The following SPTAN1 variants were observed in gnomAD, a reference collection of about 807,000 sequenced individuals.
SPTAN1 encodes spectrin alpha chain, non-erythrocytic 1.
In SPTAN1, 61 loss-of-function variants were observed where a neutral mutation model predicts 331.3. That is an observed-to-expected ratio of 0.18 (90% CI 0.15 to 0.23). The LOEUF (loss-of-function observed/expected upper bound fraction) is 0.23. Ranked by LOEUF, SPTAN1 falls within the 10% of genes least tolerant of loss-of-function variation. The pLI is 1.00. For synonymous variants in SPTAN1, 1,153 were observed against 1,173.9 expected, an observed-to-expected ratio of 0.98 and a Z score of 0.36; for missense variants, 2,043 against 3,147.9, an observed-to-expected ratio of 0.65 and a Z score of 8.40.
At chr9:128,598,845 C>T in intron 25 of SPTAN1, 118 bp from the exon 26 acceptor site, 1 of 922,238 alleles carries the variant, frequency 1.1e-6, no homozygotes, top group Non-Finnish European at 1.8e-6. Context: ...TTTGGACTGG[C>T]ATTTCCATTT....
intron 21 of SPTAN1, among the ~76,000 whole-genome samples, chr9:128,589,340 G>A (rs1169858923): frequency 1.4e-5 from 2 of 145,640 alleles, no homozygotes; most frequent in African/African-American, 2.5e-5. Flanking sequence ...CCAGGCTAGA[G>A]TGCAGTGGCA....
At chr9:128,575,784 G>A (rs1851234745) in intron 5 of SPTAN1, among the ~76,000 whole-genome samples, 1 of 152,096 alleles carries the variant, frequency 6.6e-6, no homozygotes, top group Non-Finnish European at 1.5e-5. Context: ...TCGTGAATAG[G>A]CTCTCCACTC....
rs1753573717 is a variant in SPTAN1, at chr9:128,594,006, T to C, written c.3216-169T>C. 3 of 703,284 alleles carry C rather than the reference T, an allele frequency of 4.3e-6. No individual in the cohort carries two copies. The African/African-American group carries it at 5.3e-5, about 12-fold the overall frequency. The allele number at this position is 703,284 out of a possible 1,614,324, so 43.6% of individuals were successfully genotyped here. On this transcript the variant is annotated intron_variant, in intron 23 of 56. Coordinates refer to ENST00000372739, the MANE Select transcript of SPTAN1 (RefSeq NM_001130438.3). Reference sequence around the variant, plus strand: ...CATATCTCTCAGGCTGTGGCGTGGGTACTTGGGATCCTCGTCTTCATCTGA... The same window carrying C: ...CATATCTCTCAGGCTGTGGCGTGGGCACTTGGGATCCTCGTCTTCATCTGA...
At chr9:128,555,506 A>C (rs1848534661) in intron 1 of SPTAN1, 1 of 869,588 alleles carries the variant, frequency 1.1e-6, no homozygotes, top group Non-Finnish European at 1.6e-6. Context: ...AAAGGGGGAA[A>C]AAAACCCTGC....
intron 29 of SPTAN1, among the ~76,000 whole-genome samples, chr9:128,604,812 T>TC (rs1276183948): frequency 6.6e-6 from 1 of 151,986 alleles, no homozygotes; most frequent in Admixed American, 6.6e-5. Flanking sequence ...GCGCCTGTAA[T>TC]CCTAGCTACT....
At chr9:128,624,623 C>G in intron 46 of SPTAN1, 136 bp downstream of exon 46, 1 of 1,104,454 alleles carries the variant, frequency 9.1e-7, no homozygotes. Flanking sequence ...CAGGGCAGAC[C>G]ACTGACTGCC....
At chr9:128,574,873 C>G in intron 4 of SPTAN1, 58 bp downstream of exon 4, 1 of 1,610,944 alleles carries the variant, frequency 6.2e-7, no homozygotes, top group Non-Finnish European at 8.5e-7. Context: ...GAAGAGACTC[C>G]TCTGTGATCT....
intron 37 of SPTAN1, among the ~76,000 whole-genome samples, chr9:128,610,867 A>G (rs1388007139): frequency 6.6e-6 from 1 of 152,222 alleles, no homozygotes; most frequent in African/African-American, 2.4e-5. Flanking sequence ...AACAAAGCCA[A>G]TGTCTGTAGT....
At position 128,621,408 on chromosome 9, in the gene SPTAN1, C is replaced by G; in HGVS notation, c.5832+152C>G. Reference sequence around the variant, plus strand: ...GCAATTCCATTCCTGTGTTTCGTGACAAGTTGGATATTTCCCCCTTTTTGA... The same window carrying G: ...GCAATTCCATTCCTGTGTTTCGTGAGAAGTTGGATATTTCCCCCTTTTTGA... On this transcript the variant is annotated intron_variant, in intron 45 of 56. Coordinates refer to ENST00000372739, the MANE Select transcript of SPTAN1 (RefSeq NM_001130438.3). 4 of 717,558 alleles carry G rather than the reference C, an allele frequency of 5.6e-6. No homozygotes were observed. The Admixed American group carries it at 8.1e-5, about 15-fold the overall frequency. 44.4% of individuals were successfully genotyped at this position (717,558 alleles called of 1,614,324 possible).
intron 1 of SPTAN1, among the ~76,000 whole-genome samples, chr9:128,560,382 C>CTTT (rs1366002329): frequency 1.3e-4 from 17 of 128,468 alleles, no homozygotes; most frequent in African/African-American, 4.6e-4. Flanking sequence ...CCGTGCCCGC[C>CTTT]TTTTTTTTTT....
At chr9:128,617,078 A>G (rs1419391700) in intron 41 of SPTAN1, among the ~76,000 whole-genome samples, 2 of 152,010 alleles carry the variant, frequency 1.3e-5, no homozygotes, top group Admixed American at 1.3e-4. Context: ...TCTCTACCAA[A>G]AATAGAAAAA....
intron 43 of SPTAN1, 139 bp from the exon 44 acceptor site, chr9:128,618,732 C>T: frequency 3.2e-6 from 4 of 1,257,804 alleles, no homozygotes; most frequent in Non-Finnish European, 4.6e-6. Context: ...ATCTGCCCGC[C>T]TCGGCCTCCC....
At chr9:128,557,931 A>G (rs908578637) in intron 1 of SPTAN1, among the ~76,000 whole-genome samples, 3 of 151,044 alleles carry the variant, frequency 2.0e-5, no homozygotes, top group Non-Finnish European at 2.9e-5. Context: ...AGCCTCCCGA[A>G]TAGCTGGGAC....
At position 128,577,461 on chromosome 9, in the gene SPTAN1, G is replaced by A. The variant is rs796053314; in HGVS notation, c.1040G>A (p.Arg347His). 8.1e-6 allele frequency: 13 copies of A among 1,614,142 alleles called. No individual in the cohort carries two copies. Among genetic ancestry groups the A allele is most frequent in the Admixed American group, 6.7e-5 (4 of 60,030 alleles). The change falls in exon 8 of 57, where the codon CGC (arginine) becomes CAC (histidine). Residue 347 changes from arginine (R) to histidine (H), a missense_variant. Physicochemically the swap from Arg to His is conservative, Grantham distance 29. Coordinates refer to ENST00000372739, the MANE Select transcript of SPTAN1 (RefSeq NM_001130438.3). This position sits in a 1 kb window ranked among gnomAD's most constrained non-coding sequence, Gnocchi z 4.2. Reference sequence around the variant, plus strand: ...CTGATTACAAACTGGGAGCAGATCCGCACCTTGGCGGCAGAGAGACATGCA... The same window carrying A: ...CTGATTACAAACTGGGAGCAGATCCACACCTTGGCGGCAGAGAGACATGCA... ...EELITNWEQI[R>H]TLAAERHARL... is the part of the protein sequence containing the mutation.
intron 44 of SPTAN1, among the ~76,000 whole-genome samples, chr9:128,620,793 G>A (rs779895535): frequency 1.8e-4 from 28 of 152,084 alleles, no homozygotes; most frequent in Non-Finnish European, 2.9e-4. Context: ...AAAATGTGTC[G>A]TTTTTGTTTG....
rs1166401242 is a variant in SPTAN1 at position 128,585,984 on chromosome 9, C to T, written c.2778+19C>T. 9 of 1,610,114 alleles carry T rather than the reference C, an allele frequency of 5.6e-6. No homozygotes were observed. The highest frequency in any genetic ancestry group is 2.2e-5 in the South Asian group (2 of 90,946). ...TGCTGAGGTAACCAGGCGTGGGAAG[C>T]GTCTCACCTGCCAGGGAAGTGGAAC... On this transcript the variant is annotated intron_variant, in intron 19 of 56. Transcript: ENST00000372739.
chr9:128,587,806 T>C (rs1192927725), intron 20 of SPTAN1, 108 bp downstream of exon 20: 2 of 808,544 alleles, frequency 2.5e-6, no homozygotes, highest in African/African-American at 3.4e-5. Flanking sequence ...TATTAACTCT[T>C]GTGACACAAA....
intron 9 of SPTAN1, among the ~76,000 whole-genome samples, chr9:128,578,664 A>G (rs1205641969): frequency 6.6e-6 from 1 of 152,066 alleles, no homozygotes; most frequent in Non-Finnish European, 1.5e-5. Context: ...CCCCATCTCT[A>G]CTAAAAATGC....
rs370762542 is a variant in SPTAN1 at position 128,632,401 on chromosome 9, T to C, written c.6960-30T>C. 1.3e-5 allele frequency: 21 copies of C among 1,613,598 alleles called. No homozygotes were observed. In the African/African-American group the frequency reaches 2.7e-4, roughly 21 times the overall value. On this transcript the variant is annotated intron_variant, in intron 53 of 56. Transcript: ENST00000372739. ...ACACAGTCACCTGCTGTGTGGAGGG[T>C]CTGTTCCCTAATTTCTGTTTTTCTT... is the stretch of plus-strand genomic sequence containing the variant.
Sources: allele counts gnomAD v4.1 joint callset (sites outside exome capture counted in the v4.1 genomes callset), GRCh38; gene constraint gnomAD v4.1.1; non-coding constraint Gnocchi (gnomAD v3.1); transcripts MANE v1.5; gene names NCBI Gene and HGNC (gene_info 2026-07-23, HGNC 2026-07-21).